KALRN: variants seen among roughly 807,000 people sequenced by gnomAD.
KALRN encodes kalirin RhoGEF kinase.
In KALRN, 70 loss-of-function variants were observed where a neutral mutation model predicts 353.7. The ratio of observed to expected loss-of-function variants is 0.20; its 90% CI spans 0.16 to 0.24. KALRN has a LOEUF of 0.24. KALRN is among the 10% of genes least tolerant of loss of function. KALRN has a pLI of 1.00. For missense variants in KALRN, 2,791 were observed against 3,756.7 expected (o/e 0.74, Z 6.72); for synonymous variants, 1,391 against 1,434.8 (o/e 0.97, Z 0.69).
In KALRN at chr3:124,490,831, G is replaced by A; in HGVS notation, c.4534G>A (p.Glu1512Lys). Reference protein sequence around the residue: ...LFEISLVFSKEIKDSSGHTKY... With the variant: ...LFEISLVFSKKIKDSSGHTKY... ...TGAGATCTCCTTGGTTTTTAGCAAG[G>A]AGATCAAAGATTCTTCAGGACACAC... The change falls in exon 30 of 60, where the codon GAG becomes AAG. Residue 1512 changes from glutamate to lysine, a missense_variant. Around this residue, in one of 11 missense-constraint regions of KALRN, gnomAD observed 239 missense variants for 351.3 expected, o/e 0.68. Coordinates refer to ENST00000682506, the MANE Select transcript of KALRN (RefSeq NM_001388419.1). The A allele has an allele frequency of 1.2e-6, 2 of 1,613,944 alleles. No individual in the cohort carries two copies. Among genetic ancestry groups the A allele is most frequent in the Non-Finnish European group, 1.7e-6 (2 of 1,179,982 alleles).
intron 13 of KALRN, among the ~76,000 whole-genome samples, chr3:124,402,979 T>G (rs976214929): frequency 3.3e-5 from 5 of 152,220 alleles, no homozygotes; most frequent in African/African-American, 1.2e-4. Flanking sequence ...TTAAACCACG[T>G]GTCTTTTTGT....
At chr3:124,717,183 T>A in intron 58 of KALRN, 64 bp from the exon 59 acceptor site, 1 of 1,449,996 alleles carries the variant, frequency 6.9e-7, no homozygotes, top group South Asian at 1.4e-5. Flanking sequence ...GATTTGTACA[T>A]GTGTTATTTT....
At chr3:124,679,805 A>G (rs1369062854) in intron 51 of KALRN, 1 of 463,796 alleles carries the variant, frequency 2.2e-6, no homozygotes, top group Non-Finnish European at 4.0e-6. Context: ...AAAATATCCA[A>G]TTTCATTATT....
chr3:124,582,004 A>G (rs2149264933), intron 34 of KALRN, among the ~76,000 whole-genome samples: 1 of 147,920 alleles, frequency 6.8e-6, no homozygotes, highest in East Asian at 2.0e-4. Context: ...TCTTGGGTGC[A>G]GACAACATGA....
At chr3:124,645,212 A>T (rs1021666332) in intron 37 of KALRN, among the ~76,000 whole-genome samples, 2 of 151,574 alleles carry the variant, frequency 1.3e-5, no homozygotes, top group Admixed American at 1.3e-4. Flanking sequence ...AGTTCTTTGT[A>T]GATTCTGGAT....
At chr3:124,069,351 AGGAGGAGGAGGAGG>A (rs1559899883) in intron 1 of KALRN, among the ~76,000 whole-genome samples, 3,685 of 144,374 alleles carry the variant, frequency 0.026, 115 homozygotes, top group Non-Finnish European at 0.029. Context: ...GAGGAGGAGG[AGGAGGAGGAGGAGG>A]AGGAGGAAAT....
intron 1 of KALRN, among the ~76,000 whole-genome samples, chr3:124,128,549 A>G (rs1578366240): frequency 2.0e-5 from 3 of 152,248 alleles, no homozygotes; most frequent in East Asian, 3.9e-4. Flanking sequence ...CAGAGGGCAA[A>G]TGTTCCCTCT....
chr3:124,531,570 C>T (rs1012931628), intron 33 of KALRN, among the ~76,000 whole-genome samples: 1 of 152,120 alleles, frequency 6.6e-6, no homozygotes, highest in Non-Finnish European at 1.5e-5. Context: ...AAACATGATG[C>T]TCACATCTGC....
chr3:124,064,119 T>G (rs1031658835), intron 1 of KALRN, among the ~76,000 whole-genome samples: 1 of 152,158 alleles, frequency 6.6e-6, no homozygotes, highest in African/African-American at 2.4e-5. Context: ...TAAGATGGCT[T>G]TGGCCTCAAA....
intron 45 of KALRN, among the ~76,000 whole-genome samples, chr3:124,662,930 T>C (rs2150252832): frequency 6.6e-6 from 1 of 152,072 alleles, no homozygotes; most frequent in Middle Eastern, 3.4e-3. Context: ...ATCTTCACAT[T>C]CCCTTCCCTC....
chr3:124,419,335 T>C (rs2092674339), intron 14 of KALRN, among the ~76,000 whole-genome samples: 1 of 150,860 alleles, frequency 6.6e-6, no homozygotes, highest in Non-Finnish European at 1.5e-5. Flanking sequence ...CCAAGCACTG[T>C]ATACATTGTA....
At chr3:124,330,057 A>G in intron 8 of KALRN, 65 bp downstream of exon 8, 1 of 1,572,162 alleles carries the variant, frequency 6.4e-7, no homozygotes, top group Non-Finnish European at 8.7e-7. Context: ...TGATGAGGGC[A>G]CTGGCCTGTG....
intron 1 of KALRN, among the ~76,000 whole-genome samples, chr3:124,070,647 G>A (rs562158825): frequency 3.3e-5 from 5 of 152,324 alleles, no homozygotes; most frequent in East Asian, 3.9e-4. Flanking sequence ...TAAGCTCCTG[G>A]AGGAAAGCTG....
chr3:124,151,088 C>A (rs536113252), intron 1 of KALRN, among the ~76,000 whole-genome samples: 2 of 152,204 alleles, frequency 1.3e-5, no homozygotes, highest in East Asian at 3.9e-4. Context: ...TCTTACTGTA[C>A]AAGGTATTTG....
intron 1 of KALRN, among the ~76,000 whole-genome samples, chr3:124,123,204 A>AAAG (rs1298329236): frequency 6.6e-6 from 1 of 151,922 alleles, no homozygotes; most frequent in Non-Finnish European, 1.5e-5. Context: ...CATCTCAAAA[A>AAAG]AAAAAAGGCA....
chr3:124,313,941 G>A (rs1290928501), intron 6 of KALRN, among the ~76,000 whole-genome samples: 1 of 152,022 alleles, frequency 6.6e-6, no homozygotes, highest in East Asian at 1.9e-4. Context: ...TGGGTCAAAT[G>A]GTATTTCTAG....
chr3:124,264,799 G>A, intron 4 of KALRN, 109 bp downstream of exon 4: 2 of 965,072 alleles, frequency 2.1e-6, no homozygotes, highest in Non-Finnish European at 3.1e-6. Context: ...ACACCTCAAG[G>A]GCTGAGATTT....
chr3:124,156,083 C>T (rs536292499), intron 1 of KALRN, among the ~76,000 whole-genome samples: 14 of 152,152 alleles, frequency 9.2e-5, no homozygotes, highest in Non-Finnish European at 1.9e-4. Context: ...CCTCATTCAT[C>T]CAGAGAATAC....
intron 10 of KALRN, among the ~76,000 whole-genome samples, chr3:124,366,088 T>G (rs1261089588): frequency 6.6e-6 from 1 of 152,260 alleles, no homozygotes; most frequent in Non-Finnish European, 1.5e-5. Context: ...ATCATGTTTC[T>G]TCTAAGCTAT....
Sources: gnomAD v4.1 joint callset for allele counts (sites outside exome capture counted in the v4.1 genomes callset) on GRCh38, gnomAD v4.1.1 for gene constraint, gnomAD v4.1.1 regional missense constraint, MANE v1.5 for transcripts, NCBI Gene and HGNC (gene_info 2026-07-23, HGNC 2026-07-21) for gene names.